Variants in CAMKK2 observed in about 807,000 individuals in gnomAD.
CAMKK2 encodes calcium/calmodulin dependent protein kinase kinase 2, also known as calcium/calmodulin-dependent protein kinase kinase 2.
Under a neutral mutation model 67.2 loss-of-function variants are expected in CAMKK2, and 30 were observed. That is an observed-to-expected ratio of 0.45 (90% CI 0.33 to 0.61). The LOEUF is 0.61. Among genes scored for constraint, CAMKK2 ranks in the 20% least tolerant of loss-of-function variants. CAMKK2 has a pLI of 0.02. For missense variants in CAMKK2, 643 were observed against 802.0 expected (o/e 0.80, Z 2.39); for synonymous variants, 322 against 326.2 (o/e 0.99, Z 0.14).
At chr12:121,263,674 G>T in intron 6 of CAMKK2, 132 bp downstream of exon 6, 1 of 629,528 alleles carries the variant, frequency 1.6e-6, no homozygotes, top group Non-Finnish European at 2.5e-6. Context: ...CTCTTAGGGA[G>T]CAGTAAATAC....
chr12:121,274,699 A>T, intron 1 of CAMKK2, 114 bp from the exon 2 acceptor site: 2 of 592,390 alleles, frequency 3.4e-6, no homozygotes, highest in South Asian at 4.2e-5. Flanking sequence ...TTGACATCCT[A>T]AAAAAATCTT....
At chr12:121,268,789 C>T (rs1399858014) in intron 4 of CAMKK2, 100 bp from the exon 5 acceptor site, 9 of 1,110,564 alleles carry the variant, frequency 8.1e-6, no homozygotes, top group African/African-American at 1.5e-5. Flanking sequence ...ACTCCAAAGC[C>T]GGCCCAAGCT....
chr12:121,277,561 AC>A (rs1393058640), intron 1 of CAMKK2, among the ~76,000 whole-genome samples: 2 of 152,138 alleles, frequency 1.3e-5, no homozygotes, highest in Non-Finnish European at 2.9e-5. Context: ...AAAGAAGGAA[AC>A]TCTGACTCAC....
Position 121,252,891 on chromosome 12 carries a change from C to T in CAMKK2, c.1108-177G>A, listed in dbSNP as rs146297290. The stretch of plus-strand genomic sequence containing the variant: ...CCAGGCCAGGCCAATGAGAGCACCA[C>T]TACCCCCAGCCACAGTGATTGGTTC... On this transcript the variant is annotated intron_variant, in intron 10 of 16. Transcript: ENST00000404169. 3.9e-5 allele frequency among the ~76,000 whole-genome samples: 6 copies of T among 152,266 alleles called. No homozygotes were observed. In the East Asian group the frequency reaches 9.7e-4, roughly 25 times the overall value.
chr12:121,248,815 C>T (rs921407715), intron 13 of CAMKK2, 81 bp from the exon 14 acceptor site: 4 of 1,549,768 alleles, frequency 2.6e-6, no homozygotes, highest in Non-Finnish European at 2.7e-6. Flanking sequence ...GCCACAAGGG[C>T]ATGCAGGACG....
chr12:121,276,471 AAAAAAT>A (rs1328545446), intron 1 of CAMKK2, among the ~76,000 whole-genome samples: 1 of 152,178 alleles, frequency 6.6e-6, no homozygotes, highest in Admixed American at 6.6e-5. Context: ...GACTCATCTC[AAAAAAT>A]AAAAATAAAA....
At chr12:121,264,679 C>T (rs1894162438) in intron 5 of CAMKK2, among the ~76,000 whole-genome samples, 1 of 151,978 alleles carries the variant, frequency 6.6e-6, no homozygotes, top group Non-Finnish European at 1.5e-5. Flanking sequence ...GAGGCTGAGG[C>T]AGGAGAATGG....
rs754596011 is a variant in CAMKK2, at chr12:121,250,016, G to T, written c.1180C>A (p.Arg394=). The change falls in exon 12 of 17, where the codon CGG becomes AGG. Residue 394 remains arginine (R), a synonymous_variant. Coordinates refer to ENST00000404169, the MANE Select transcript of CAMKK2 (RefSeq NM_001270485.2). ...ATCTTACTGTGTAAACACATGATCC[G>T]CTCGTCCATGAATGGGCACTGCAAA... ...VFGQCPFMDE[R]IMCLHSKIKS... The T allele has an allele frequency of 6.2e-7, 1 of 1,613,194 alleles. No individual in the cohort carries two copies. Among genetic ancestry groups the T allele is most frequent in the Non-Finnish European group, 8.5e-7 (1 of 1,179,552 alleles).
chr12:121,260,813 G>A (rs1240440546), intron 6 of CAMKK2, among the ~76,000 whole-genome samples: 1 of 152,008 alleles, frequency 6.6e-6, no homozygotes, highest in African/African-American at 2.4e-5. Context: ...TTAGTCCGGT[G>A]TGGTGGTGCA....
intron 1 of CAMKK2, among the ~76,000 whole-genome samples, chr12:121,289,895 A>G (rs1899643254): frequency 8.5e-6 from 1 of 117,498 alleles, no homozygotes; most frequent in South Asian, 2.7e-4. Context: ...CCTGTCTTTA[A>G]AAAAAAAAAA....
chr12:121,274,795 CTTT>C (rs200455303), intron 1 of CAMKK2, among the ~76,000 whole-genome samples: 1 of 117,110 alleles, frequency 8.5e-6, no homozygotes, highest in African/African-American at 3.8e-5. Flanking sequence ...ATTATTTTTT[CTTT>C]TTTTTTCTTT....
At chr12:121,278,144 A>G (rs936596903) in intron 1 of CAMKK2, among the ~76,000 whole-genome samples, 3 of 152,128 alleles carry the variant, frequency 2.0e-5, no homozygotes, top group East Asian at 1.9e-4. Flanking sequence ...ACTGTATCTC[A>G]GAAAGAAATC....
intron 16 of CAMKK2, among the ~76,000 whole-genome samples, chr12:121,242,762 A>C (rs1253537733): frequency 6.6e-6 from 1 of 151,062 alleles, no homozygotes; most frequent in African/African-American, 2.4e-5. Flanking sequence ...TTTTTTTTTG[A>C]GACGGAGTCT....
In CAMKK2 at chr12:121,240,873, C is replaced by T. The variant is rs891642747; in HGVS notation, c.1597-4G>A. 1.2e-6 allele frequency: 2 copies of T among 1,612,214 alleles called. No individual in the cohort carries two copies. Among genetic ancestry groups the T allele is most frequent in the Non-Finnish European group, 1.7e-6 (2 of 1,179,858 alleles). On this transcript the variant is annotated splice_polypyrimidine_tract_variant and splice_region_variant and intron_variant, in intron 16 of 16. Coordinates refer to ENST00000404169, the MANE Select transcript of CAMKK2 (RefSeq NM_001270485.2). This position sits in a 1 kb window ranked among gnomAD's most constrained non-coding sequence, Gnocchi z 4.4. Reference sequence around the variant, plus strand: ...GTTGTCTTCGCTGCCTTGCTTCCTGCTCACCGAACAGAAAACCAACATTAA... The same window carrying T: ...GTTGTCTTCGCTGCCTTGCTTCCTGTTCACCGAACAGAAAACCAACATTAA...
intron 2 of CAMKK2, among the ~76,000 whole-genome samples, chr12:121,272,400 C>T (rs894487102): frequency 6.6e-5 from 10 of 152,138 alleles, no homozygotes; most frequent in African/African-American, 2.2e-4. Context: ...AATCATGATG[C>T]TGTGAAAGAA....
chr12:121,297,661 G>A (rs771491782), upstream of CAMKK2: 1 of 518,088 alleles, frequency 1.9e-6, no homozygotes, highest in African/African-American at 1.9e-5. Context: ...CGACCCAGGG[G>A]ATGTCTCACT....
chr12:121,272,660 C>T (rs749947106), intron 2 of CAMKK2, among the ~76,000 whole-genome samples: 2 of 145,220 alleles, frequency 1.4e-5, no homozygotes, highest in South Asian at 2.2e-4. Flanking sequence ...GTCAGGAGTT[C>T]GAGACCAGCC....
At chr12:121,252,619 C>A (rs1173531259) in intron 11 of CAMKK2, 42 bp downstream of exon 11, 3 of 1,575,724 alleles carry the variant, frequency 1.9e-6, no homozygotes, top group South Asian at 1.1e-5. Context: ...AACCCAGGGG[C>A]CACCCAGCAG....
intron 1 of CAMKK2, among the ~76,000 whole-genome samples, chr12:121,274,882 A>G (rs752485155): frequency 7.0e-6 from 1 of 142,458 alleles, no homozygotes; most frequent in Non-Finnish European, 1.5e-5. Flanking sequence ...ATCATAGCTC[A>G]CTGTACCCTT....
Sources: gnomAD v4.1 joint callset for allele counts (sites outside exome capture counted in the v4.1 genomes callset) on GRCh38, gnomAD v4.1.1 for gene constraint, Gnocchi (gnomAD v3.1) non-coding constraint, MANE v1.5 for transcripts, NCBI Gene and HGNC (gene_info 2026-07-23, HGNC 2026-07-21) for gene names.